Variants in NQO2 observed in about 807,000 individuals in gnomAD.
The protein encoded by NQO2 is ribosyldihydronicotinamide dehydrogenase [quinone].
A neutral mutation model predicts 22.0 loss-of-function variants in NQO2; 18 were observed. The observed-to-expected ratio is 0.82, with a 90% confidence interval of 0.56 to 1.21. NQO2 has a LOEUF of 1.21. Among genes scored for constraint, NQO2 ranks in the 50% most tolerant of loss-of-function variants. The pLI is 0.00. For missense variants in NQO2, 267 were observed against 286.9 expected, an observed-to-expected ratio of 0.93 and a Z score of 0.50; for synonymous variants, 106 against 110.8, an observed-to-expected ratio of 0.96 and a Z score of 0.28.
intron 1 of NQO2, among the ~76,000 whole-genome samples, chr6:3,001,756 T>C (rs1366850420): frequency 1.3e-5 from 2 of 152,160 alleles, no homozygotes; most frequent in East Asian, 1.9e-4. Context: ...GTCAAAAATA[T>C]CAGAGCCCAC....
chr6:3,019,658 C>T lies in NQO2; in HGVS notation c.*3C>T. 6.3e-7 allele frequency: 1 copy of T among 1,599,906 alleles called. No homozygotes were observed. The highest frequency in any genetic ancestry group is 8.5e-7 in the Non-Finnish European group (1 of 1,171,438). On this transcript the variant is annotated 3_prime_UTR_variant, in exon 7 of 7. Coordinates refer to ENST00000380455, the MANE Select transcript of NQO2 (RefSeq NM_000904.6). Reference sequence around the variant, plus strand: ...CCCACTGGCACTTCGGGCAATAACTCTGTGGCACGTGGGCATCACGTAAGC... The same window carrying T: ...CCCACTGGCACTTCGGGCAATAACTTTGTGGCACGTGGGCATCACGTAAGC...
chr6:3,017,453 G>A (rs1757373859), intron 6 of NQO2, among the ~76,000 whole-genome samples: 1 of 152,160 alleles, frequency 6.6e-6, no homozygotes, highest in Non-Finnish European at 1.5e-5. Context: ...CCGCATGCTG[G>A]TCTCTGCTGG....
chr6:3,011,139 A>G (rs1183986588), intron 3 of NQO2, among the ~76,000 whole-genome samples: 1 of 152,196 alleles, frequency 6.6e-6, no homozygotes, highest in Non-Finnish European at 1.5e-5. Context: ...ACCTAACGAG[A>G]CGGCACTGTT....
intron 4 of NQO2, chr6:3,015,275 A>C: frequency 6.9e-7 from 1 of 1,442,792 alleles, no homozygotes; most frequent in South Asian, 1.3e-5. Flanking sequence ...CTGCCTGCCC[A>C]GGGCCAGCAT....
chr6:3,003,120 C>G (rs886323981), intron 1 of NQO2, among the ~76,000 whole-genome samples: 2 of 152,230 alleles, frequency 1.3e-5, no homozygotes, highest in African/African-American at 2.4e-5. Context: ...TGACTGTCCA[C>G]CAGGGCACTG....
chr6:3,005,221 G>C (rs560085476), intron 1 of NQO2, among the ~76,000 whole-genome samples: 1 of 152,286 alleles, frequency 6.6e-6, no homozygotes, highest in African/African-American at 2.4e-5. Context: ...TGGGCAAGTG[G>C]TTTTCAAGAC....
chr6:3,010,225 C>T (rs2475208), intron 3 of NQO2, 36 bp downstream of exon 3: 730,152 of 1,488,436 alleles, frequency 0.49, 180,454 homozygotes, highest in African/African-American at 0.61. Context: ...TTATAAAAAC[C>T]ATCTTTATGT....
chr6:3,008,134 G>A (rs1757009124), intron 2 of NQO2, among the ~76,000 whole-genome samples: 1 of 152,200 alleles, frequency 6.6e-6, no homozygotes, highest in African/African-American at 2.4e-5. Context: ...TGGTATTTCT[G>A]GGGCCAGGTG....
chr6:3,007,030 A>G (rs898426913), intron 2 of NQO2: 4 of 397,202 alleles, frequency 1.0e-5, no homozygotes, highest in Non-Finnish European at 1.3e-5. Context: ...AATTTCACCT[A>G]ACGATATAAC....
Position 3,012,694 on chromosome 6 carries a change from A to G in NQO2, c.303+20A>G, listed in dbSNP as rs1220179698. 6.2e-6 allele frequency: 10 copies of G among 1,607,366 alleles called. No homozygotes were observed. Among genetic ancestry groups the G allele is most frequent in the Non-Finnish European group, 8.5e-6 (10 of 1,176,370 alleles). ...TTTCAGGTTTGTTTTTCTCTAATTA[A>G]TATATTGAATCAGATTCATCTTATG... On this transcript the variant is annotated intron_variant, in intron 4 of 6. Coordinates refer to ENST00000380455, the MANE Select transcript of NQO2 (RefSeq NM_000904.6).
intron 1 of NQO2, chr6:3,002,250 C>A (rs957525367): frequency 2.0e-6 from 2 of 984,026 alleles, no homozygotes; most frequent in Non-Finnish European, 2.4e-6. Flanking sequence ...ATAAGGTGTT[C>A]CCCCAGTCTG....
rs1392048786 is a variant in NQO2, at chr6:3,019,349, GTAACAT to G, written c.520-126_520-121del. The G allele has an allele frequency of 1.3e-5, 19 of 1,416,454 alleles. No homozygotes were observed. The African/African-American group carries it at 2.4e-4, about 18-fold the overall frequency. The allele number at this position is 1,416,454 out of a possible 1,614,324, so 87.7% of individuals were successfully genotyped here. A position where few individuals can be genotyped will look rare whatever the true frequency, so the allele number is the denominator to read the frequency against. ...AGGGAAGTTTAGCTTTCAGTTGCCT[GTAACAT>G]TAAGGTTGTTTCATGATTTTTTGAA... On this transcript the variant is annotated intron_variant, in intron 6 of 6. Coordinates refer to ENST00000380455, the MANE Select transcript of NQO2 (RefSeq NM_000904.6).
intron 4 of NQO2, 46 bp from the exon 5 acceptor site, chr6:3,015,484 G>T: frequency 3.7e-6 from 6 of 1,602,192 alleles, no homozygotes; most frequent in Non-Finnish European, 4.3e-6. Flanking sequence ...TAGGAAACCT[G>T]AGGCGAGCCG....
chr6:3,017,262 G>T (rs1249291194), intron 6 of NQO2, among the ~76,000 whole-genome samples: 1 of 152,226 alleles, frequency 6.6e-6, no homozygotes, highest in Non-Finnish European at 1.5e-5. Context: ...TTTTGATATG[G>T]TTTGGGCAGA....
intron 1 of NQO2, among the ~76,000 whole-genome samples, chr6:3,001,215 G>T (rs568120342): frequency 6.6e-6 from 1 of 151,304 alleles, no homozygotes; most frequent in East Asian, 2.0e-4. Flanking sequence ...TCAGTCTCCC[G>T]AGTAGCTGGG....
rs764696121 is a variant in NQO2, at chr6:3,015,610, C to T, written c.384C>T (p.Asp128=). The T allele has an allele frequency of 3.7e-6, 6 of 1,614,204 alleles. No individual in the cohort carries two copies. In the Admixed American group the frequency reaches 1.0e-4, roughly 27 times the overall value. Residue 128 remains aspartate, a synonymous_variant, in exon 5 of 7, where the codon GAC becomes GAT. Transcript: ENST00000380455. The stretch of plus-strand genomic sequence containing the variant: ...TGCTGTGCCAGGGCTTTGCCTTTGA[C>T]ATCCCAGGATTCTACGATTCCGGTT... The part of the protein sequence containing the change: ...DRVLCQGFAF[D]IPGFYDSGLL...
intron 1 of NQO2, chr6:3,005,966 G>A (rs1413770906): frequency 3.9e-6 from 1 of 256,372 alleles, no homozygotes; most frequent in East Asian, 1.8e-4. Context: ...CATCCCTGGA[G>A]AATCTCTGAG....
chr6:3,010,537 T>G (rs1757106425), intron 3 of NQO2, among the ~76,000 whole-genome samples: 1 of 151,998 alleles, frequency 6.6e-6, no homozygotes, highest in South Asian at 2.1e-4. Context: ...AGGGGGACAA[T>G]CAGCTTCTCA....
At chr6:3,010,315 T>TA in intron 3 of NQO2, 126 bp downstream of exon 3, 1 of 730,510 alleles carries the variant, frequency 1.4e-6, no homozygotes, top group Non-Finnish European at 2.2e-6. Flanking sequence ...CAAAAACAAA[T>TA]AGATAGCACT....
Sources: allele counts gnomAD v4.1 joint callset (sites outside exome capture counted in the v4.1 genomes callset), GRCh38; gene constraint gnomAD v4.1.1; transcripts MANE v1.5; gene names NCBI Gene and HGNC (gene_info 2026-07-23, HGNC 2026-07-21).